Variants in PCDH11X observed in about 807,000 individuals in gnomAD.
PCDH11X encodes the protein protocadherin-11 X-linked.
Under a neutral mutation model 53.3 loss-of-function variants are expected in PCDH11X, and 18 were observed. The observed-to-expected ratio is 0.34, with a 90% CI of 0.23 to 0.50. The LOEUF is 0.50. PCDH11X is among the 20% of genes least tolerant of loss of function. The probability of loss-of-function intolerance (pLI) is 0.98; values close to 1 mark genes in which losing one functional copy is unlikely to be tolerated. For synonymous variants in PCDH11X, 279 were observed against 393.3 expected, an observed-to-expected ratio of 0.71 and a Z score of 3.44; for missense variants, 570 against 1,032.4, an observed-to-expected ratio of 0.55 and a Z score of 6.14.
chrX:92,097,472 A>C (rs2064160103), intron 6 of PCDH11X, among the ~76,000 whole-genome samples: 1 of 109,627 alleles, frequency 9.1e-6, no homozygotes, highest in Non-Finnish European at 1.9e-5. Context: ...TATTTTTTTC[A>C]TTACACCATT....
intron 10 of PCDH11X, among the ~76,000 whole-genome samples, chrX:92,475,376 C>G (rs2073360853): frequency 9.1e-6 from 1 of 110,282 alleles, no homozygotes; most frequent in African/African-American, 3.3e-5. Flanking sequence ...TAAAATCCTT[C>G]AGCTTTTGTT....
chrX:91,931,795 T>C (rs1467501705), intron 6 of PCDH11X, among the ~76,000 whole-genome samples: 2 of 110,623 alleles, frequency 1.8e-5, no homozygotes, highest in African/African-American at 6.6e-5. Context: ...AATAGAAAAA[T>C]ACGTCATTAT....
intron 6 of PCDH11X, among the ~76,000 whole-genome samples, chrX:91,969,975 A>T (rs894872259): frequency 9.1e-6 from 1 of 109,934 alleles, no homozygotes; most frequent in Non-Finnish European, 1.9e-5. Context: ...AATAAGTATA[A>T]TAATGTGTCC....
At chrX:91,985,811 C>T (rs1367619358) in intron 6 of PCDH11X, among the ~76,000 whole-genome samples, 2 of 110,986 alleles carry the variant, frequency 1.8e-5, no homozygotes, top group African/African-American at 6.5e-5. Flanking sequence ...TTGAAATCTA[C>T]TTCATAGGAA....
At chrX:92,457,285 T>C (rs931064662) in intron 9 of PCDH11X, among the ~76,000 whole-genome samples, 2 of 110,053 alleles carry the variant, frequency 1.8e-5, no homozygotes, top group African/African-American at 6.6e-5. Flanking sequence ...ATACAACATA[T>C]AAATAACCAG....
At chrX:92,313,028 T>C (rs890991876) in intron 8 of PCDH11X, among the ~76,000 whole-genome samples, 2 of 111,641 alleles carry the variant, frequency 1.8e-5, no homozygotes, top group African/African-American at 6.5e-5. Context: ...CATTAATGGC[T>C]AGATTATTAT....
intron 8 of PCDH11X, among the ~76,000 whole-genome samples, chrX:92,371,925 C>CAT (rs1269723902): frequency 9.0e-6 from 1 of 111,256 alleles, no homozygotes; most frequent in Non-Finnish European, 1.9e-5. Context: ...ATGAAATTAG[C>CAT]ATAATTATAT....
intron 9 of PCDH11X, among the ~76,000 whole-genome samples, chrX:92,424,795 A>T (rs1191978257): frequency 2.1e-5 from 2 of 97,374 alleles, no homozygotes; most frequent in African/African-American, 6.7e-5. Flanking sequence ...TACCTTTCAG[A>T]GTCCTCGGGT....
chrX:92,201,336 A>G (rs767411729), intron 6 of PCDH11X, 39 bp from the exon 7 acceptor site: 1 of 1,172,866 alleles, frequency 8.5e-7, no homozygotes, highest in Non-Finnish European at 1.2e-6. Flanking sequence ...TACTTTTAAC[A>G]AACAGCTTAA....
chrX:92,465,866 T>C (rs1158304068), intron 9 of PCDH11X, among the ~76,000 whole-genome samples: 2 of 110,816 alleles, frequency 1.8e-5, no homozygotes, highest in Non-Finnish European at 3.8e-5. Flanking sequence ...TTGTTTTAGT[T>C]TACTAATTAA....
chrX:92,377,420 A>G (rs1403723660), intron 8 of PCDH11X, among the ~76,000 whole-genome samples: 2 of 111,257 alleles, frequency 1.8e-5, no homozygotes, highest in Admixed American at 9.6e-5. Context: ...TAACAGTCCT[A>G]TGATCCAACT....
chrX:92,243,093 A>C (rs2067289827), intron 7 of PCDH11X, among the ~76,000 whole-genome samples: 1 of 111,521 alleles, frequency 9.0e-6, no homozygotes, highest in South Asian at 3.7e-4. Context: ...TTTCATTTCT[A>C]ATGAAATCTA....
At chrX:92,033,906 G>A (rs2759863) in intron 6 of PCDH11X, among the ~76,000 whole-genome samples, 2 of 108,471 alleles carry the variant, frequency 1.8e-5, no homozygotes, top group East Asian at 2.9e-4. Context: ...TAAACTTTCC[G>A]CTTAGTAGTA....
chrX:92,050,192 C>A (rs1046911371), intron 6 of PCDH11X, among the ~76,000 whole-genome samples: 11 of 111,187 alleles, frequency 9.9e-5, no homozygotes, highest in African/African-American at 3.6e-4. Flanking sequence ...TCATTTTCTG[C>A]TTTCGGTTAG....
At chrX:92,187,192 T>G (rs1433993940) in intron 6 of PCDH11X, among the ~76,000 whole-genome samples, 3 of 111,413 alleles carry the variant, frequency 2.7e-5, no homozygotes, top group African/African-American at 9.8e-5. Flanking sequence ...CAGGGCTACA[T>G]TCCTTCTATA....
At chrX:91,997,907 C>G (rs1258472109) in intron 6 of PCDH11X, among the ~76,000 whole-genome samples, 2 of 108,364 alleles carry the variant, frequency 1.8e-5, no homozygotes, top group Non-Finnish European at 3.8e-5. Context: ...TGTAATTAAT[C>G]TGTTAAGATT....
At chrX:92,546,917 G>C (rs142525736) in intron 10 of PCDH11X, among the ~76,000 whole-genome samples, 4 of 111,535 alleles carry the variant, frequency 3.6e-5, no homozygotes, top group African/African-American at 1.3e-4. Flanking sequence ...TATTTCAAAG[G>C]CTTGTTGCCT....
At chrX:92,541,557 CAGA>C (rs1209825128) in intron 10 of PCDH11X, among the ~76,000 whole-genome samples, 1 of 111,457 alleles carries the variant, frequency 9.0e-6, no homozygotes, top group African/African-American at 3.3e-5. Flanking sequence ...TCTCTGTGTG[CAGA>C]TACTTGTTAA....
chrX:92,583,008 C>T (rs1923890610), intron 10 of PCDH11X, among the ~76,000 whole-genome samples: 1 of 110,752 alleles, frequency 9.0e-6, no homozygotes, highest in Non-Finnish European at 1.9e-5. Flanking sequence ...GCCTATACTC[C>T]TGTTGTATCT....
Sources: gnomAD v4.1 joint callset for allele counts (sites outside exome capture counted in the v4.1 genomes callset) on GRCh38, gnomAD v4.1.1 for gene constraint, MANE v1.5 for transcripts, NCBI Gene and HGNC (gene_info 2026-07-23, HGNC 2026-07-21) for gene names.